The following DAP variants were observed in gnomAD, a reference collection of about 807,000 sequenced individuals.
DAP encodes death associated protein.
Under a neutral mutation model 13.8 loss-of-function variants are expected in DAP, and 8 were observed. The ratio of observed to expected loss-of-function variants is 0.58; its 90% CI spans 0.34 to 1.05. The LOEUF (loss-of-function observed/expected upper bound fraction) is 1.05. Among genes scored for constraint, DAP ranks in the 50% least tolerant of loss-of-function variants. The probability of loss-of-function intolerance (pLI) is 0.03; values close to 1 mark genes in which losing one functional copy is unlikely to be tolerated. For missense variants in DAP, 106 were observed against 133.2 expected, an observed-to-expected ratio of 0.80 and a Z score of 1.01; for synonymous variants, 47 against 47.5, an observed-to-expected ratio of 0.99 and a Z score of 0.04.
chr5:10,710,575 G>A (rs1453398183), intron 2 of DAP, among the ~76,000 whole-genome samples: 1 of 152,238 alleles, frequency 6.6e-6, no homozygotes, highest in African/African-American at 2.4e-5. Flanking sequence ...GATGATGGGT[G>A]TGCTCTGGAG....
chr5:10,746,967 C>T (rs981070486), intron 2 of DAP, among the ~76,000 whole-genome samples: 4 of 152,194 alleles, frequency 2.6e-5, no homozygotes, highest in African/African-American at 4.8e-5. Context: ...CTTCCTGCTA[C>T]GTTACCTAGC....
intron 2 of DAP, among the ~76,000 whole-genome samples, chr5:10,725,703 A>G (rs1739272763): frequency 6.6e-6 from 1 of 152,266 alleles, no homozygotes; most frequent in African/African-American, 2.4e-5. Context: ...TTTCTTCTCA[A>G]TAATTTCCCC....
At chr5:10,706,066 C>T (rs1738692781) in intron 2 of DAP, among the ~76,000 whole-genome samples, 1 of 152,212 alleles carries the variant, frequency 6.6e-6, no homozygotes. Context: ...AACAGCACAA[C>T]ATGGAAAGCA....
intron 2 of DAP, among the ~76,000 whole-genome samples, chr5:10,696,248 T>C (rs923212777): frequency 8.6e-5 from 13 of 151,910 alleles, no homozygotes; most frequent in Admixed American, 2.6e-4. Flanking sequence ...ACTGAGAGTC[T>C]CAAAATTCAT....
Position 10,731,231 on chromosome 5 carries a change from G to T in DAP, c.152+16944C>A, listed in dbSNP as rs140151681. On this transcript the variant is annotated intron_variant, in intron 2 of 3. Transcript: ENST00000230895. ...ATCTTTCTCTATTGAGAGCCCTAGT[G>T]GGGGGGAATCTTTCTGTACTGAGAG... Among the ~76,000 whole-genome samples the T allele has an allele frequency of 6.6e-3, 645 of 97,356 alleles. 3 individuals carry two copies. The highest frequency in any genetic ancestry group is 0.021 in the African/African-American group (533 of 25,812). 63.9% of individuals were successfully genotyped at this position (97,356 alleles called of 152,430 possible).
intron 2 of DAP, among the ~76,000 whole-genome samples, chr5:10,698,091 C>T (rs1738477867): frequency 1.3e-5 from 2 of 152,032 alleles, no homozygotes; most frequent in African/African-American, 2.4e-5. Flanking sequence ...TTCCCACACA[C>T]AGCAAGGGAG....
intron 2 of DAP, among the ~76,000 whole-genome samples, chr5:10,689,161 C>G (rs760001715): frequency 6.6e-6 from 1 of 152,172 alleles, no homozygotes. Context: ...ATCATGACAG[C>G]TCTGCTCTAG....
chr5:10,760,179 A>G (rs1190813814), intron 1 of DAP, among the ~76,000 whole-genome samples: 1 of 152,190 alleles, frequency 6.6e-6, no homozygotes, highest in East Asian at 1.9e-4. Context: ...ACCTAAAAGA[A>G]CCTCACGCAT....
At chr5:10,683,398 C>T (rs183205541) in intron 3 of DAP, 131 bp downstream of exon 3, 3 of 921,340 alleles carry the variant, frequency 3.3e-6, no homozygotes, top group African/African-American at 1.7e-5. Flanking sequence ...TGAAGAGAGC[C>T]ATGGCCACAG....
chr5:10,734,365 GT>G (rs1739547118), intron 2 of DAP: 1 of 152,242 alleles, frequency 6.6e-6, no homozygotes, highest in East Asian at 1.9e-4. Context: ...TACAAATACT[GT>G]CTCAAAGCCT....
At position 10,746,280 on chromosome 5, in the gene DAP, C is replaced by T. The variant is rs534946030; in HGVS notation, c.152+1895G>A. 2.2e-4 allele frequency among the ~76,000 whole-genome samples: 33 copies of T among 151,580 alleles called. No individual in the cohort carries two copies. The South Asian group carries it at 6.9e-3, about 32-fold the overall frequency. On this transcript the variant is annotated intron_variant, in intron 2 of 3. Coordinates refer to ENST00000230895, the MANE Select transcript of DAP (RefSeq NM_004394.3). ...GTTGCTGATGCTGTTACGTTCCAAACATAGCTTTGTGAATACAGTAAGTGA... is the reference window on the plus strand; with the variant it reads ...GTTGCTGATGCTGTTACGTTCCAAATATAGCTTTGTGAATACAGTAAGTGA...
intron 2 of DAP, among the ~76,000 whole-genome samples, chr5:10,717,408 C>G (rs1739018903): frequency 6.6e-6 from 1 of 152,168 alleles, no homozygotes; most frequent in Admixed American, 6.5e-5. Context: ...TGGGACCCTG[C>G]AACTTGGAAT....
In DAP at chr5:10,720,249, CCAGT is replaced by C. The variant is rs533570846; in HGVS notation, c.152+27922_152+27925del. Among the ~76,000 whole-genome samples, 239 of 152,280 alleles carry C rather than the reference CCAGT, an allele frequency of 1.6e-3. 2 individuals are homozygous for C. The highest frequency in any genetic ancestry group is 5.5e-3 in the African/African-American group (230 of 41,556). On this transcript the variant is annotated intron_variant, in intron 2 of 3. Transcript: ENST00000230895. ...TTGTGCCTTCAGGACTTCCTCAAGC[CCAGT>C]CATACTTACATCACTTCCATTTGAT...
At chr5:10,748,407 T>TA in intron 1 of DAP, 136 bp from the exon 2 acceptor site, 1 of 689,218 alleles carries the variant, frequency 1.5e-6, no homozygotes, top group South Asian at 1.7e-5. Context: ...AATGATTAAC[T>TA]AGGGAAGGTC....
At chr5:10,696,447 G>A (rs1011932846) in intron 2 of DAP, among the ~76,000 whole-genome samples, 6 of 152,184 alleles carry the variant, frequency 3.9e-5, no homozygotes, top group African/African-American at 7.2e-5. Context: ...GTCATGGCAC[G>A]TTTGAGGGCT....
intron 1 of DAP, among the ~76,000 whole-genome samples, chr5:10,759,992 T>G (rs1740299232): frequency 6.6e-6 from 1 of 152,082 alleles, no homozygotes; most frequent in Admixed American, 6.5e-5. Context: ...TGACCTCAAG[T>G]GATCCACCCT....
At chr5:10,746,622 G>A (rs1220426794) in intron 2 of DAP, among the ~76,000 whole-genome samples, 1 of 152,124 alleles carries the variant, frequency 6.6e-6, no homozygotes, top group African/African-American at 2.4e-5. Context: ...GAGACACCGT[G>A]CCCGGACAAT....
chr5:10,727,836 G>C (rs941411137), intron 2 of DAP, among the ~76,000 whole-genome samples: 1 of 152,214 alleles, frequency 6.6e-6, no homozygotes, highest in African/African-American at 2.4e-5. Flanking sequence ...ATAAAATAGT[G>C]TAGTATGTGC....
At chr5:10,760,949 G>T (rs1740332134) in intron 1 of DAP, 65 bp downstream of exon 1, 39 of 1,077,600 alleles carry the variant, frequency 3.6e-5, no homozygotes, top group Non-Finnish European at 4.6e-5. Context: ...GCCCCCGCCC[G>T]GCGCCCCCGG....
Sources: gnomAD v4.1 joint callset for allele counts (sites outside exome capture counted in the v4.1 genomes callset) on GRCh38, gnomAD v4.1.1 for gene constraint, MANE v1.5 for transcripts, NCBI Gene and HGNC (gene_info 2026-07-23, HGNC 2026-07-21) for gene names.